Variants in GSAP observed in about 807,000 individuals in gnomAD.
GSAP encodes the protein gamma-secretase-activating protein.
GSAP carries 118 observed loss-of-function variants against 131.7 expected under a neutral mutation model. That is an observed-to-expected ratio of 0.90 (90% CI 0.77 to 1.04). The LOEUF (loss-of-function observed/expected upper bound fraction) is 1.04, where lower values mean the gene tolerates loss of function less well. Ranked by LOEUF, GSAP falls within the 50% of genes least tolerant of loss-of-function variation. The pLI is 0.00. For synonymous variants in GSAP, 381 were observed against 363.4 expected, an observed-to-expected ratio of 1.05 and a Z score of -0.55; for missense variants, 1,019 against 1,013.2, an observed-to-expected ratio of 1.01 and a Z score of -0.08.
At chr7:77,343,973 C>A (rs1293697988) in intron 19 of GSAP, among the ~76,000 whole-genome samples, 1 of 152,178 alleles carries the variant, frequency 6.6e-6, no homozygotes, top group Non-Finnish European at 1.5e-5. Context: ...CCCTACACAT[C>A]AAGCTTGAGG....
chr7:77,322,337 G>T (rs1787768205), intron 24 of GSAP, among the ~76,000 whole-genome samples: 1 of 152,178 alleles, frequency 6.6e-6, no homozygotes, highest in Admixed American at 6.5e-5. Context: ...GGGAGATGTG[G>T]CCTCAATCAG....
chr7:77,345,059 CCAAG>C (rs1562985953), intron 19 of GSAP, among the ~76,000 whole-genome samples: 4 of 152,184 alleles, frequency 2.6e-5, no homozygotes, highest in African/African-American at 9.7e-5. Flanking sequence ...AACTTGCCAA[CCAAG>C]CAAGTAATTA....
At chr7:77,319,242 G>A (rs1238208142) in intron 26 of GSAP, among the ~76,000 whole-genome samples, 3 of 152,122 alleles carry the variant, frequency 2.0e-5, no homozygotes, top group Non-Finnish European at 2.9e-5. Context: ...CAAGGGACTT[G>A]AATAGACATT....
chr7:77,404,675 T>C, intron 2 of GSAP, 60 bp from the exon 3 acceptor site: 1 of 1,022,076 alleles, frequency 9.8e-7, no homozygotes, highest in African/African-American at 1.6e-5. Flanking sequence ...AGAATGTTAC[T>C]AGTTTTAAAA....
chr7:77,376,785 AAAAAAAAAAAG>A (rs1796945626), intron 10 of GSAP, 52 bp downstream of exon 10: 51 of 793,990 alleles, frequency 6.4e-5, no homozygotes, highest in East Asian at 3.4e-4. Context: ...CAAAAAAAAA[AAAAAAAAAAAG>A]AGAGTAATGT....
intron 5 of GSAP, among the ~76,000 whole-genome samples, chr7:77,394,337 G>A (rs1047833001): frequency 6.6e-6 from 1 of 152,084 alleles, no homozygotes; most frequent in Admixed American, 6.5e-5. Context: ...CTTGAACAGC[G>A]AGTCTACCAA....
intron 6 of GSAP, 127 bp from the exon 7 acceptor site, chr7:77,382,770 G>A: frequency 1.7e-6 from 1 of 581,324 alleles, no homozygotes; most frequent in Non-Finnish European, 3.2e-6. Flanking sequence ...AAGAGTTTAG[G>A]GGAATCACCT....
At chr7:77,389,676 T>G (rs1482264398) in intron 5 of GSAP, among the ~76,000 whole-genome samples, 1 of 152,202 alleles carries the variant, frequency 6.6e-6, no homozygotes, top group East Asian at 1.9e-4. Context: ...CTTAATCCAG[T>G]CTATCATTGT....
At chr7:77,362,904 C>G (rs1459781080) in intron 12 of GSAP, among the ~76,000 whole-genome samples, 1 of 152,200 alleles carries the variant, frequency 6.6e-6, no homozygotes, top group Non-Finnish European at 1.5e-5. Flanking sequence ...AAAATGAACA[C>G]AGATATACTC....
intron 18 of GSAP, chr7:77,350,985 A>C (rs1222907746): frequency 3.0e-6 from 1 of 328,214 alleles, no homozygotes; most frequent in Non-Finnish European, 4.4e-6. Flanking sequence ...CCTTAAAAAA[A>C]AGTAGATAAG....
At chr7:77,376,143 C>A (rs909216969) in intron 10 of GSAP, among the ~76,000 whole-genome samples, 2 of 152,138 alleles carry the variant, frequency 1.3e-5, no homozygotes, top group African/African-American at 4.8e-5. Context: ...TAACTTATAA[C>A]CCCTTAAAGC....
At chr7:77,319,593 A>G (rs1230731387) in intron 26 of GSAP, among the ~76,000 whole-genome samples, 1 of 152,250 alleles carries the variant, frequency 6.6e-6, no homozygotes, top group African/African-American at 2.4e-5. Context: ...AGATATGTAT[A>G]TACTCCCATG....
intron 12 of GSAP, among the ~76,000 whole-genome samples, chr7:77,365,374 G>A (rs1030262376): frequency 8.6e-5 from 13 of 151,782 alleles, no homozygotes; most frequent in Non-Finnish European, 1.2e-4. Flanking sequence ...TTTCTGCTCC[G>A]CTCCCTCCTC....
In GSAP at chr7:77,394,166, G is replaced by A. The variant is rs988559684; in HGVS notation, c.367+2816C>T. On this transcript the variant is annotated intron_variant, in intron 5 of 30. Transcript: ENST00000257626. ...TAGATCATGTCCCTGCTCAGTATGC[G>A]TATCTCTTCCAATTTTACTAGGAAT... Among the ~76,000 whole-genome samples the A allele has an allele frequency of 3.3e-4, 50 of 152,146 alleles. 1 individual carries two copies. The highest frequency in any genetic ancestry group is 1.9e-4 in the East Asian group (1 of 5,202).
chr7:77,368,349 T>C (rs973205915), intron 12 of GSAP, among the ~76,000 whole-genome samples: 2 of 152,186 alleles, frequency 1.3e-5, no homozygotes, highest in Non-Finnish European at 2.9e-5. Flanking sequence ...TGGCTCACAT[T>C]AGCTGCTTCT....
intron 28 of GSAP, 73 bp downstream of exon 28, chr7:77,313,415 C>CT: frequency 1.3e-6 from 1 of 788,762 alleles, no homozygotes; most frequent in Non-Finnish European, 2.1e-6. Context: ...AGTAAATGCT[C>CT]TTTTTGCAAG....
chr7:77,372,602 G>T (rs1228496289), intron 12 of GSAP, among the ~76,000 whole-genome samples: 6 of 152,272 alleles, frequency 3.9e-5, no homozygotes, highest in Admixed American at 3.9e-4. Flanking sequence ...AAAATAAAAT[G>T]ATACATATAT....
At position 77,406,984 on chromosome 7, in the gene GSAP, G is replaced by A. The variant is rs556462499; in HGVS notation, c.110-879C>T. Among the ~76,000 whole-genome samples the A allele has an allele frequency of 3.9e-3, 587 of 152,284 alleles. 3 individuals are homozygous for A. The highest frequency in any genetic ancestry group is 0.014 in the Middle Eastern group (4 of 294). ...AAAGAGGCCTCTAAATGAAGAACCC[G>A]GGCTAGGGATGCAGCTATCTGTAAG... On this transcript the variant is annotated intron_variant, in intron 1 of 30. Coordinates refer to ENST00000257626, the MANE Select transcript of GSAP (RefSeq NM_017439.4).
intron 12 of GSAP, among the ~76,000 whole-genome samples, chr7:77,373,281 A>G (rs1796405002): frequency 6.6e-6 from 1 of 152,214 alleles, no homozygotes; most frequent in Non-Finnish European, 1.5e-5. Flanking sequence ...AGATTAGGGC[A>G]GTTTTACTTA....
Sources: allele counts gnomAD v4.1 joint callset (sites outside exome capture counted in the v4.1 genomes callset), GRCh38; gene constraint gnomAD v4.1.1; transcripts MANE v1.5; gene names NCBI Gene and HGNC (gene_info 2026-07-23, HGNC 2026-07-21).